PKHD1L1: variants seen among roughly 807,000 people sequenced by gnomAD.
The protein encoded by PKHD1L1 is fibrocystin-L.
PKHD1L1 carries 434 observed loss-of-function variants against 462.9 expected under a neutral mutation model. The ratio of observed to expected loss-of-function variants is 0.94; its 90% confidence interval spans 0.87 to 1.02. PKHD1L1 has a LOEUF of 1.02. Among genes scored for constraint, PKHD1L1 ranks in the 50% least tolerant of loss-of-function variants. The pLI, the probability that PKHD1L1 is intolerant of heterozygous loss-of-function variation, is 0.00. For missense variants in PKHD1L1, 5,202 were observed against 5,096.1 expected, an observed-to-expected ratio of 1.02 and a Z score of -0.63; for synonymous variants, 1,781 against 1,750.0, an observed-to-expected ratio of 1.02 and a Z score of -0.44.
At position 109,533,238 on chromosome 8, in the gene PKHD1L1, C is replaced by T. The variant is rs1245549715; in HGVS notation, c.*3148C>T. Among the ~76,000 whole-genome samples the T allele has an allele frequency of 2.0e-5, 3 of 152,230 alleles. No individual in the cohort carries two copies. The highest frequency in any genetic ancestry group is 4.4e-5 in the Non-Finnish European group (3 of 68,048). On this transcript the variant is annotated 3_prime_UTR_variant, in exon 78 of 78. Transcript: ENST00000378402. The stretch of plus-strand genomic sequence containing the variant: ...ATGCCCTCAGGCAAGTTCTTAGTTT[C>T]CATTATTCTCAGTTTCTTCAACTGT...
At position 109,451,155 on chromosome 8, in the gene PKHD1L1, G is replaced by C. The variant is rs550968752; in HGVS notation, c.6350+6G>C. ...GTCGTGGGATCAGGATTCAGGTACTGTCTCCACACAAACACGCATCATTGT... is the reference window on the plus strand; with the variant it reads ...GTCGTGGGATCAGGATTCAGGTACTCTCTCCACACAAACACGCATCATTGT... On this transcript the variant is annotated splice_donor_region_variant and intron_variant, in intron 41 of 77. Coordinates refer to ENST00000378402, the MANE Select transcript of PKHD1L1 (RefSeq NM_177531.6). The C allele has an allele frequency of 6.9e-6, 11 of 1,595,312 alleles. No individual in the cohort carries two copies. The highest frequency in any genetic ancestry group is 5.6e-5 in the South Asian group (5 of 88,994).
chr8:109,421,018 T>C (rs1460178104), intron 23 of PKHD1L1, among the ~76,000 whole-genome samples: 1 of 152,084 alleles, frequency 6.6e-6, no homozygotes, highest in African/African-American at 2.4e-5. Context: ...ATTGAGATTC[T>C]GCATTATGCT....
chr8:109,520,112 T>C (rs890466316), intron 73 of PKHD1L1, among the ~76,000 whole-genome samples: 1 of 151,962 alleles, frequency 6.6e-6, no homozygotes, highest in Non-Finnish European at 1.5e-5. Flanking sequence ...GGGAGGTGTT[T>C]ATAAACTCTT....
At chr8:109,499,011 A>G in intron 67 of PKHD1L1, 1 of 464,360 alleles carries the variant, frequency 2.2e-6, no homozygotes, top group Non-Finnish European at 3.8e-6. Flanking sequence ...ACAACAAAAC[A>G]CTGGCATTTG....
At position 109,477,344 on chromosome 8, in the gene PKHD1L1, G is replaced by T; in HGVS notation, c.9037G>T (p.Val3013Leu). 6.2e-7 allele frequency: 1 copy of T among 1,613,310 alleles called. No individual in the cohort carries two copies. The change falls in exon 53 of 78, where the codon GTA (valine) becomes TTA (leucine). Residue 3013 changes from valine to leucine, a missense_variant. Physicochemically the swap from Val to Leu is conservative, Grantham distance 32. Around this residue, in one of 3 missense-constraint regions of PKHD1L1, gnomAD observed 4,497 missense variants for 4,336.8 expected, o/e 1.04. Coordinates refer to ENST00000378402, the MANE Select transcript of PKHD1L1 (RefSeq NM_177531.6). Reference sequence around the variant, plus strand: ...TTGTATTCTCCAGGATTGCTTTCCTGTACATCCGCCATCAAGAAAACCAAT... The same window carrying T: ...TTGTATTCTCCAGGATTGCTTTCCTTTACATCCGCCATCAAGAAAACCAAT... ...YCCILQDCFP[V>L]HPPSRKPIPK...
chr8:109,510,803 G>A lies in PKHD1L1; in HGVS notation c.11422G>A (p.Gly3808Arg). The change falls in exon 71 of 78, where the codon GGA becomes AGA. Residue 3808 changes from glycine (G) to arginine (R), a missense_variant. Physicochemically the swap from Gly to Arg is moderately radical, Grantham distance 125 (BLOSUM62 -2). Around this residue, in one of 3 missense-constraint regions of PKHD1L1, gnomAD observed 698 missense variants for 736.3 expected, o/e 0.95. Coordinates refer to ENST00000378402, the MANE Select transcript of PKHD1L1 (RefSeq NM_177531.6). ...CCCACAGGATCATGGCTGGTGTGCTGGATATACATGCCAGAGAAGGCTGTC... is the reference window on the plus strand; with the variant it reads ...CCCACAGGATCATGGCTGGTGTGCTAGATATACATGCCAGAGAAGGCTGTC... Reference protein sequence around the residue: ...NGPQDHGWCAGYTCQRRLSLF... With the variant: ...NGPQDHGWCARYTCQRRLSLF... The A allele has an allele frequency of 6.2e-7, 1 of 1,613,162 alleles. No homozygotes were observed. The highest frequency in any genetic ancestry group is 8.5e-7 in the Non-Finnish European group (1 of 1,179,408).
rs185422103 is a variant in PKHD1L1 at position 109,535,333 on chromosome 8, G to T, written c.*5243G>T. The stretch of plus-strand genomic sequence containing the variant: ...CAGATGATCCTTTATATATGTAAAC[G>T]CTATAAATTCTTAGGAAGAAAATAA... On this transcript the variant is annotated 3_prime_UTR_variant, in exon 78 of 78. Transcript: ENST00000378402. 6.6e-6 allele frequency among the ~76,000 whole-genome samples: 1 copy of T among 151,986 alleles called. No individual in the cohort carries two copies. The highest frequency in any genetic ancestry group is 1.5e-5 in the Non-Finnish European group (1 of 67,986).
At chr8:109,404,862 TA>T in intron 15 of PKHD1L1, 132 bp from the exon 16 acceptor site, 1 of 1,144,086 alleles carries the variant, frequency 8.7e-7, no homozygotes, top group Non-Finnish European at 1.2e-6. Flanking sequence ...ATTTGTACGA[TA>T]AGCCAAAAAG....
At chr8:109,489,643 G>A (rs1818729076) in intron 59 of PKHD1L1, among the ~76,000 whole-genome samples, 1 of 151,572 alleles carries the variant, frequency 6.6e-6, no homozygotes. Context: ...TTGAGGTGGG[G>A]GCAAAAAACG....
At chr8:109,490,943 A>C in intron 60 of PKHD1L1, 29 bp from the exon 61 acceptor site, 3 of 1,528,604 alleles carry the variant, frequency 2.0e-6, no homozygotes, top group Non-Finnish European at 2.6e-6. Flanking sequence ...TTATTTTAAA[A>C]ATGTTCTCTG....
Position 109,511,725 on chromosome 8 carries a change from G to A in PKHD1L1, c.11553+791G>A, listed in dbSNP as rs993853830. 1.6e-4 allele frequency among the ~76,000 whole-genome samples: 25 copies of A among 152,096 alleles called. 1 individual carries two copies. The highest frequency in any genetic ancestry group is 1.3e-3 in the Admixed American group (20 of 15,264). ...GTATATACCCAGTAATGGGATGGCTGGGTCAAATGGTATTTCTAGTTCTAG... is the reference window on the plus strand; with the variant it reads ...GTATATACCCAGTAATGGGATGGCTAGGTCAAATGGTATTTCTAGTTCTAG... On this transcript the variant is annotated intron_variant, in intron 71 of 77. Coordinates refer to ENST00000378402, the MANE Select transcript of PKHD1L1 (RefSeq NM_177531.6).
chr8:109,394,283 C>A, intron 9 of PKHD1L1, 132 bp from the exon 10 acceptor site: 2 of 424,360 alleles, frequency 4.7e-6, no homozygotes, highest in Non-Finnish European at 4.2e-6. Flanking sequence ...AAATAAAGAA[C>A]ATTCTTATCT....
At chr8:109,429,241 C>T (rs1195947953) in intron 25 of PKHD1L1, 99 bp from the exon 26 acceptor site, 1 of 1,053,632 alleles carries the variant, frequency 9.5e-7, no homozygotes, top group African/African-American at 1.7e-5. Context: ...CATTCTTTGA[C>T]TTTTATTCAC....
At chr8:109,448,481 A>C in intron 39 of PKHD1L1, 90 bp downstream of exon 39, 1 of 1,312,256 alleles carries the variant, frequency 7.6e-7, no homozygotes. Flanking sequence ...TGTTACTCAA[A>C]CACATAAAAT....
chr8:109,522,878 A>C lies in PKHD1L1; in HGVS notation c.12318A>C (p.Ala4106=), dbSNP rs1820623109. ...QPFPQQPSVK[A]TDSDGNCVSV... ...TTCCTCAGCAGCCTTCGGTAAAGGC[A>C]ACAGATTCTGACGTAAGTCATAACT... The change falls in exon 75 of 78, where the codon GCA becomes GCC. Residue 4106 remains alanine, a synonymous_variant. Coordinates refer to ENST00000378402, the MANE Select transcript of PKHD1L1 (RefSeq NM_177531.6). 10 of 1,605,108 alleles carry C rather than the reference A, an allele frequency of 6.2e-6. No homozygotes were observed. The highest frequency in any genetic ancestry group is 7.6e-6 in the Non-Finnish European group (9 of 1,176,752).
Position 109,497,169 on chromosome 8 carries a change from T to G in PKHD1L1, c.10496T>G (p.Ile3499Ser). 6.2e-7 allele frequency: 1 copy of G among 1,613,848 alleles called. No individual in the cohort carries two copies. Among genetic ancestry groups the G allele is most frequent in the Non-Finnish European group, 8.5e-7 (1 of 1,179,798 alleles). The part of the protein sequence containing the change: ...IYFQTTESVH[I>S]YNVTLVDNGM... ...TTGCAGACCACAGAGAGTGTGCACA[T>G]TTATAATGTGACCCTGGTTGACAAT... The change falls in exon 65 of 78, where the codon ATT becomes AGT. Residue 3499 changes from isoleucine to serine, a missense_variant. Physicochemically the swap from Ile to Ser is moderately radical, Grantham distance 142 (BLOSUM62 -2). Transcript: ENST00000378402.
chr8:109,465,020 C>T lies in PKHD1L1; in HGVS notation c.8188C>T (p.Leu2730Phe), dbSNP rs779557810. Reference sequence around the variant, plus strand: ...ATTTTGCACAGCAAAAGGCCTGGTTCTCCCATTTAGTGAAGGCTTGACTGT... The same window carrying T: ...ATTTTGCACAGCAAAAGGCCTGGTTTTCCCATTTAGTGAAGGCTTGACTGT... ...SAFCTAKGLV[L>F]PFSEGLTVSS... The change falls in exon 49 of 78, where the codon CTC becomes TTC. Residue 2730 changes from leucine (L) to phenylalanine (F), a missense_variant. Physicochemically the swap from Leu to Phe is conservative, Grantham distance 22. Around this residue, in one of 3 missense-constraint regions of PKHD1L1, gnomAD observed 4,497 missense variants for 4,336.8 expected, o/e 1.04. Transcript: ENST00000378402. 6.2e-7 allele frequency: 1 copy of T among 1,613,834 alleles called. No homozygotes were observed. The highest frequency in any genetic ancestry group is 8.5e-7 in the Non-Finnish European group (1 of 1,179,804).
rs1563742296 is a variant in PKHD1L1, at chr8:109,404,714, G to C, written c.1533+1G>C. On this transcript the variant is annotated splice_donor_variant, in intron 15 of 77. Transcript: ENST00000378402. LOFTEE classifies it high-confidence loss of function. ...GTCGACAATCCTCCAGGAAGTACAG[G>C]TTTGCTATGATTGCAGTTCCTCTTA... 2 of 1,592,804 alleles carry C rather than the reference G, an allele frequency of 1.3e-6. No homozygotes were observed. Among genetic ancestry groups the C allele is most frequent in the Non-Finnish European group, 1.7e-6 (2 of 1,171,018 alleles).
At chr8:109,526,658 C>G (rs1457294) in intron 76 of PKHD1L1, 126 bp from the exon 77 acceptor site, 164,390 of 850,500 alleles carry the variant, frequency 0.19, 18,325 homozygotes, top group Admixed American at 0.36. Context: ...TTATTTGACT[C>G]AACTTTCAAA....
Sources: allele counts gnomAD v4.1 joint callset (sites outside exome capture counted in the v4.1 genomes callset), GRCh38; gene constraint gnomAD v4.1.1; regional missense constraint gnomAD v4.1.1; transcripts MANE v1.5; gene names NCBI Gene and HGNC (gene_info 2026-07-23, HGNC 2026-07-21).